ERMP1: variants seen among roughly 807,000 people sequenced by gnomAD.
The protein encoded by ERMP1 is Felix-ina.
ERMP1 carries 86 observed loss-of-function variants against 92.0 expected under a neutral mutation model. The observed-to-expected ratio is 0.93, with a 90% CI of 0.79 to 1.12. ERMP1 has a LOEUF of 1.12. ERMP1 is among the 50% of genes most tolerant of loss of function. The pLI is 0.00. For synonymous variants in ERMP1, 530 were observed against 412.8 expected (o/e 1.28, Z -3.44); for missense variants, 1,342 against 1,116.3 (o/e 1.20, Z -2.88).
intron 13 of ERMP1, 68 bp from the exon 14 acceptor site, chr9:5,787,661 A>C (rs554644145): frequency 6.8e-7 from 1 of 1,479,342 alleles, no homozygotes; most frequent in African/African-American, 1.4e-5. Flanking sequence ...CCCACAATCC[A>C]AACCAGACTT....
intron 11 of ERMP1, among the ~76,000 whole-genome samples, chr9:5,800,194 G>C (rs1404867101): frequency 6.6e-6 from 1 of 152,180 alleles, no homozygotes; most frequent in Non-Finnish European, 1.5e-5. Flanking sequence ...ATGTTAGTAT[G>C]TGTTCACAAA....
intron 8 of ERMP1, 85 bp from the exon 9 acceptor site, chr9:5,805,870 TC>T (rs1828852311): frequency 9.6e-7 from 1 of 1,041,658 alleles, no homozygotes; most frequent in Non-Finnish European, 1.4e-6. Flanking sequence ...TTTCCATCAC[TC>T]AGGAAAGCTA....
chr9:5,831,055 G>C (rs565964692), intron 1 of ERMP1, 27 bp from the exon 2 acceptor site: 2 of 1,581,216 alleles, frequency 1.3e-6, no homozygotes, highest in South Asian at 1.2e-5. Flanking sequence ...GAATAACAAA[G>C]GTTTGTAGTT....
At chr9:5,853,406 T>G (rs1830333243) in intron 6 of ERMP1, among the ~76,000 whole-genome samples, 1 of 152,172 alleles carries the variant, frequency 6.6e-6, no homozygotes, top group South Asian at 2.1e-4. Flanking sequence ...AAATTCTCTC[T>G]TGTCCTGTTG....
chr9:5,854,123 C>T (rs1830343175), intron 6 of ERMP1, among the ~76,000 whole-genome samples: 1 of 151,878 alleles, frequency 6.6e-6, no homozygotes, highest in Non-Finnish European at 1.5e-5. Flanking sequence ...CCCACTCTTT[C>T]TCCAGTGGGG....
At position 5,787,098 on chromosome 9, in the gene ERMP1, C is replaced by T; in HGVS notation, c.*46G>A. ...CACGTAACATAGGGAGAAACCATGTCACATGGAGTATCCACTGGGCATGTA... is the reference window on the plus strand; with the variant it reads ...CACGTAACATAGGGAGAAACCATGTTACATGGAGTATCCACTGGGCATGTA... On this transcript the variant is annotated 3_prime_UTR_variant, in exon 15 of 15. Coordinates refer to ENST00000339450, the MANE Select transcript of ERMP1 (RefSeq NM_024896.3). 5 of 1,535,934 alleles carry T rather than the reference C, an allele frequency of 3.3e-6. No homozygotes were observed. The highest frequency in any genetic ancestry group is 3.5e-6 in the Non-Finnish European group (4 of 1,126,824).
chr9:5,814,244 T>C (rs979350361), intron 4 of ERMP1, among the ~76,000 whole-genome samples: 5 of 152,174 alleles, frequency 3.3e-5, no homozygotes, highest in Non-Finnish European at 7.3e-5. Flanking sequence ...CCGTGGACCA[T>C]AACTGCAGTT....
chr9:5,791,360 C>G, intron 13 of ERMP1: 1 of 454,544 alleles, frequency 2.2e-6, no homozygotes, highest in Non-Finnish European at 4.4e-6. Context: ...TGGGGAAGGT[C>G]AGTCTTTTTC....
At position 5,810,100 on chromosome 9, in the gene ERMP1, G is replaced by A. The variant is rs1829033283; in HGVS notation, c.1459C>T (p.His487Tyr). 1.9e-6 allele frequency: 3 copies of A among 1,613,722 alleles called. No homozygotes were observed. The Admixed American group carries it at 5.0e-5, about 27-fold the overall frequency. The change falls in exon 8 of 15, where the codon CAC becomes TAC. Residue 487 changes from histidine (H) to tyrosine (Y), a missense_variant. Transcript: ENST00000339450. The part of the protein sequence containing the change: ...LIGQSLSWYN[H>Y]FYVSVCLYGT... Reference sequence around the variant, plus strand: ...TACAGACAAACGGAGACATAGAAGTGGTTATACCATGAGAGAGACTGTCCA... The same window carrying A: ...TACAGACAAACGGAGACATAGAAGTAGTTATACCATGAGAGAGACTGTCCA...
intron 4 of ERMP1, among the ~76,000 whole-genome samples, chr9:5,814,462 G>T (rs1175768116): frequency 6.6e-6 from 1 of 152,138 alleles, no homozygotes; most frequent in Non-Finnish European, 1.5e-5. Flanking sequence ...AATGACCAAG[G>T]CTGGGTGCAG....
intron 2 of ERMP1, among the ~76,000 whole-genome samples, chr9:5,830,062 C>T (rs1829880696): frequency 6.6e-6 from 1 of 152,182 alleles, no homozygotes; most frequent in African/African-American, 2.4e-5. Flanking sequence ...CAGTATGGCA[C>T]CCTCAGTGGA....
intron 4 of ERMP1, among the ~76,000 whole-genome samples, chr9:5,820,097 G>A (rs553605994): frequency 6.6e-5 from 10 of 152,208 alleles, no homozygotes; most frequent in African/African-American, 2.2e-4. Flanking sequence ...TCAGGAGTTC[G>A]AGACCAGCCT....
intron 6 of ERMP1, among the ~76,000 whole-genome samples, chr9:5,839,492 A>G (rs538086312): frequency 4.9e-4 from 74 of 152,278 alleles, no homozygotes; most frequent in African/African-American, 1.7e-3. Flanking sequence ...CAGTTTGGGA[A>G]TGAGAGTCAC....
intron 8 of ERMP1, among the ~76,000 whole-genome samples, chr9:5,807,641 G>C (rs1414931987): frequency 6.6e-6 from 1 of 152,052 alleles, no homozygotes; most frequent in Non-Finnish European, 1.5e-5. Context: ...AGGTACTTGG[G>C]AGGCTGAGGC....
At chr9:5,846,719 C>A (rs1563780679) in intron 6 of ERMP1, among the ~76,000 whole-genome samples, 2 of 152,180 alleles carry the variant, frequency 1.3e-5, no homozygotes, top group Non-Finnish European at 2.9e-5. Flanking sequence ...AGCTCAGGTA[C>A]TTTGCTATCC....
chr9:5,801,431 T>G, intron 10 of ERMP1, 103 bp from the exon 11 acceptor site: 1 of 1,123,764 alleles, frequency 8.9e-7, no homozygotes, highest in Non-Finnish European at 1.3e-6. Context: ...TAACAGCCCC[T>G]GAAGAAAATT....
rs1281132438 is a variant in ERMP1 at position 5,831,003 on chromosome 9, T to C, written c.364A>G (p.Ile122Val). The change falls in exon 2 of 15, where the codon ATT (isoleucine) becomes GTT (valine). Residue 122 changes from isoleucine (I) to valine (V), a missense_variant. Physicochemically the swap from Ile to Val is conservative, Grantham distance 29. Coordinates refer to ENST00000339450, the MANE Select transcript of ERMP1 (RefSeq NM_024896.3). ...GGACTTCCTGTAGTCCTGGGGCCAATGGAGGTTATGTGTTCAAGATAATCC... is the reference window on the plus strand; with the variant it reads ...GGACTTCCTGTAGTCCTGGGGCCAACGGAGGTTATGTGTTCAAGATAATCC... ...ARDYLEHITS[I>V]GPRTTGSPEN... The C allele has an allele frequency of 1.4e-5, 23 of 1,613,786 alleles. No individual in the cohort carries two copies. Among genetic ancestry groups the C allele is most frequent in the East Asian group, 4.5e-5 (2 of 44,888 alleles).
intron 6 of ERMP1, among the ~76,000 whole-genome samples, chr9:5,845,237 G>T (rs767767051): frequency 2.0e-5 from 3 of 151,586 alleles, no homozygotes; most frequent in African/African-American, 7.3e-5. Flanking sequence ...CTGTGACTCT[G>T]AGAGGATTTG....
chr9:5,790,473 AC>A (rs1828141560), intron 13 of ERMP1, among the ~76,000 whole-genome samples: 1 of 152,188 alleles, frequency 6.6e-6, no homozygotes. Context: ...AACCTAACTT[AC>A]CCACTAAAAG....
Sources: gnomAD v4.1 joint callset for allele counts (sites outside exome capture counted in the v4.1 genomes callset) on GRCh38, gnomAD v4.1.1 for gene constraint, MANE v1.5 for transcripts, NCBI Gene and HGNC (gene_info 2026-07-23, HGNC 2026-07-21) for gene names.